The following LPIN1 variants were observed in gnomAD, a reference collection of about 807,000 sequenced individuals.
The protein encoded by LPIN1 is phosphatidate phosphatase LPIN1.
A neutral mutation model predicts 107.5 loss-of-function variants in LPIN1; 71 were observed. The ratio of observed to expected loss-of-function variants is 0.66; its 90% confidence interval spans 0.55 to 0.80. LPIN1 has a LOEUF of 0.80. Among genes scored for constraint, LPIN1 ranks in the 30% least tolerant of loss-of-function variants. The probability of loss-of-function intolerance (pLI) is 0.00; values close to 1 mark genes in which losing one functional copy is unlikely to be tolerated. For missense variants in LPIN1, 1,043 were observed against 1,160.6 expected (o/e 0.90, Z 1.47); for synonymous variants, 445 against 452.6 (o/e 0.98, Z 0.21).
intron 1 of LPIN1, among the ~76,000 whole-genome samples, chr2:11,681,647 T>C (rs1187195405): frequency 6.6e-6 from 1 of 152,186 alleles, no homozygotes; most frequent in Admixed American, 6.5e-5. Flanking sequence ...CTCTGTTCTT[T>C]CCTTCTACCA....
chr2:11,735,834 G>C (rs1373598373), intron 1 of LPIN1, among the ~76,000 whole-genome samples: 3 of 152,192 alleles, frequency 2.0e-5, no homozygotes, highest in Non-Finnish European at 2.9e-5. Flanking sequence ...ATTCTTTAGA[G>C]CTGATAAATG....
At chr2:11,788,483 G>A (rs1675063501) in intron 12 of LPIN1, 27 bp downstream of exon 12, 4 of 1,569,662 alleles carry the variant, frequency 2.5e-6, no homozygotes, top group Non-Finnish European at 3.5e-6. Flanking sequence ...GAAAGAAAAG[G>A]GGATGCTAGA....
At chr2:11,708,448 A>G (rs139544391) in intron 1 of LPIN1, among the ~76,000 whole-genome samples, 1 of 152,196 alleles carries the variant, frequency 6.6e-6, no homozygotes, top group Non-Finnish European at 1.5e-5. Context: ...GGAACCCTGT[A>G]CATGTCCCGG....
Position 11,825,198 on chromosome 2 carries a change from C to T in LPIN1, c.*407C>T, listed in dbSNP as rs780162507. The T allele has an allele frequency of 6.4e-5, 16 of 249,954 alleles. No individual in the cohort carries two copies. Among genetic ancestry groups the T allele is most frequent in the Non-Finnish European group, 1.0e-4 (13 of 126,108 alleles). The allele number at this position is 249,954 out of a possible 1,614,324, so 15.5% of individuals were successfully genotyped here. ...TCAATCGAGGAATGCCAGATGTGCACGGTTTTTGGCAAAGTAGGGGGCACA... is the reference window on the plus strand; with the variant it reads ...TCAATCGAGGAATGCCAGATGTGCATGGTTTTTGGCAAAGTAGGGGGCACA... On this transcript the variant is annotated 3_prime_UTR_variant, in exon 21 of 21. Coordinates refer to ENST00000674199, the MANE Select transcript of LPIN1 (RefSeq NM_001349206.2). The surrounding 1 kb of genome is among the most constrained non-coding windows in gnomAD (Gnocchi z 4.1).
chr2:11,719,229 A>G (rs1390089508), intron 2 of LPIN1, among the ~76,000 whole-genome samples: 1 of 151,340 alleles, frequency 6.6e-6, no homozygotes, highest in East Asian at 1.9e-4. Context: ...CCTGTTTGTT[A>G]TTTTTCCTCT....
chr2:11,710,459 A>G (rs79030667), intron 1 of LPIN1, among the ~76,000 whole-genome samples: 4,576 of 151,970 alleles, frequency 0.03, 256 homozygotes, highest in African/African-American at 0.1. Flanking sequence ...TGCACTGAAC[A>G]AGGACCTGAA....
intron 12 of LPIN1, chr2:11,791,613 T>A: frequency 8.1e-7 from 1 of 1,227,146 alleles, no homozygotes; most frequent in Non-Finnish European, 1.0e-6. Flanking sequence ...CCAGTCTTAC[T>A]AATCACTAAT....
At position 11,825,793 on chromosome 2, in the gene LPIN1, ATTG is replaced by A. The variant is rs1196482187; in HGVS notation, c.*1005_*1007del. On this transcript the variant is annotated 3_prime_UTR_variant, in exon 21 of 21. Coordinates refer to ENST00000674199, the MANE Select transcript of LPIN1 (RefSeq NM_001349206.2). The surrounding 1 kb of genome is among the most constrained non-coding windows in gnomAD (Gnocchi z 4.1). ...AACTATATTCTTTTAGATATTATGT[ATTG>A]TTTTACTCTGATTAGGTTACTGTGA... 1 of 152,184 alleles carries A rather than the reference ATTG, an allele frequency of 6.6e-6. No homozygotes were observed. Among genetic ancestry groups the A allele is most frequent in the Admixed American group, 6.5e-5 (1 of 15,276 alleles). 9.4% of individuals were successfully genotyped at this position (152,184 alleles called of 1,614,324 possible).
chr2:11,714,702 A>G (rs1306475751), intron 2 of LPIN1, among the ~76,000 whole-genome samples: 2 of 152,214 alleles, frequency 1.3e-5, no homozygotes, highest in Non-Finnish European at 2.9e-5. Context: ...GGGCTGTGGA[A>G]TGATCCAGGG....
intron 14 of LPIN1, among the ~76,000 whole-genome samples, chr2:11,796,922 C>T (rs1167061762): frequency 6.6e-6 from 1 of 152,194 alleles, no homozygotes; most frequent in Non-Finnish European, 1.5e-5. Flanking sequence ...CCTCGGTAAC[C>T]ATTGGACCTT....
At chr2:11,791,142 A>AAGTAAGTTTG in intron 12 of LPIN1, among the ~76,000 whole-genome samples, 2 of 152,326 alleles carry the variant, frequency 1.3e-5, no homozygotes, top group South Asian at 4.1e-4. Flanking sequence ...CTTTTAAGCT[A>AAGTAAGTTTG]CATAGTAAAT....
At chr2:11,808,354 C>T (rs1328798385) in intron 17 of LPIN1, among the ~76,000 whole-genome samples, 1 of 152,168 alleles carries the variant, frequency 6.6e-6, no homozygotes, top group Non-Finnish European at 1.5e-5. Context: ...GGAGACCTGT[C>T]AGGCTAAGAA....
At chr2:11,792,755 T>C (rs1050831090) in intron 13 of LPIN1, among the ~76,000 whole-genome samples, 1 of 152,202 alleles carries the variant, frequency 6.6e-6, no homozygotes, top group Admixed American at 6.5e-5. Flanking sequence ...TGAAATGGCA[T>C]GTCTAAAGGT....
At chr2:11,694,304 T>C (rs1662460774) in intron 1 of LPIN1, among the ~76,000 whole-genome samples, 1 of 152,206 alleles carries the variant, frequency 6.6e-6, no homozygotes, top group Non-Finnish European at 1.5e-5. Flanking sequence ...TAGGTTGTTA[T>C]TGTTACTCGA....
intron 1 of LPIN1, among the ~76,000 whole-genome samples, chr2:11,695,964 C>G (rs1457808930): frequency 6.6e-6 from 1 of 151,858 alleles, no homozygotes. Flanking sequence ...CTCCTCTCTA[C>G]CCAGTGGCCA....
chr2:11,773,204 G>T (rs189159123), intron 4 of LPIN1, among the ~76,000 whole-genome samples: 6 of 152,198 alleles, frequency 3.9e-5, no homozygotes, highest in East Asian at 3.8e-4. Flanking sequence ...TGTGATCAGC[G>T]TATGGTCATT....
chr2:11,756,057 T>TA (rs1351971130), intron 1 of LPIN1, among the ~76,000 whole-genome samples: 1 of 152,212 alleles, frequency 6.6e-6, no homozygotes, highest in Non-Finnish European at 1.5e-5. Context: ...GGAAGAAAAG[T>TA]ACAAGTGAGA....
intron 1 of LPIN1, among the ~76,000 whole-genome samples, chr2:11,737,257 A>G (rs1197281966): frequency 1.3e-5 from 2 of 152,208 alleles, no homozygotes. Flanking sequence ...AGACTTAAAC[A>G]TAAGACCTAA....
intron 1 of LPIN1, among the ~76,000 whole-genome samples, chr2:11,757,677 G>T (rs556294140): frequency 2.1e-4 from 32 of 152,124 alleles, no homozygotes; most frequent in Non-Finnish European, 3.5e-4. Context: ...TCCCTCCCGT[G>T]CCTCCTGGGG....
Sources: allele counts gnomAD v4.1 joint callset (sites outside exome capture counted in the v4.1 genomes callset), GRCh38; gene constraint gnomAD v4.1.1; non-coding constraint Gnocchi (gnomAD v3.1); transcripts MANE v1.5; gene names NCBI Gene and HGNC (gene_info 2026-07-23, HGNC 2026-07-21).